Variants in WLS observed in about 807,000 individuals in gnomAD.
WLS encodes protein wntless homolog.
WLS carries 23 observed loss-of-function variants against 62.8 expected under a neutral mutation model. That is an observed-to-expected ratio of 0.37 (90% CI 0.26 to 0.52). The LOEUF (loss-of-function observed/expected upper bound fraction) is 0.52, where lower values mean the gene tolerates loss of function less well. Among genes scored for constraint, WLS ranks in the 20% least tolerant of loss-of-function variants. The pLI is 0.92. For missense variants in WLS, 615 were observed against 697.3 expected (o/e 0.88, Z 1.33); for synonymous variants, 246 against 244.1 (o/e 1.01, Z -0.07).
intron 11 of WLS, among the ~76,000 whole-genome samples, chr1:68,136,730 T>C (rs1646616366): frequency 6.6e-6 from 1 of 152,240 alleles, no homozygotes; most frequent in Non-Finnish European, 1.5e-5. Context: ...TTAAAGAAGA[T>C]GCTGCATTTT....
intron 11 of WLS, among the ~76,000 whole-genome samples, chr1:68,130,129 C>T (rs1646496957): frequency 6.6e-6 from 1 of 152,170 alleles, no homozygotes; most frequent in African/African-American, 2.4e-5. Context: ...TGAAGAAAGC[C>T]ATATGCACTG....
downstream of WLS, among the ~76,000 whole-genome samples, chr1:68,122,759 T>TTG (rs1646379066): frequency 6.6e-6 from 1 of 152,212 alleles, no homozygotes; most frequent in African/African-American, 2.4e-5. Context: ...TTTCCACTGA[T>TTG]TGAAATGGGT....
intron 1 of WLS, among the ~76,000 whole-genome samples, chr1:68,212,655 A>G (rs1331232898): frequency 1.3e-5 from 2 of 152,212 alleles, no homozygotes; most frequent in Admixed American, 6.5e-5. Flanking sequence ...TATTTTATTA[A>G]TGATGTTTTT....
chr1:68,212,673 T>C (rs1416906429), intron 1 of WLS, among the ~76,000 whole-genome samples: 1 of 152,222 alleles, frequency 6.6e-6, no homozygotes, highest in Non-Finnish European at 1.5e-5. Context: ...TTTATATATG[T>C]CATTGCCTGT....
chr1:68,185,502 A>T (rs978189900), intron 2 of WLS, among the ~76,000 whole-genome samples: 1 of 152,190 alleles, frequency 6.6e-6, no homozygotes, highest in African/African-American at 2.4e-5. Context: ...CAAGTATTAT[A>T]GCCTGAGTTC....
At chr1:68,134,013 G>A (rs887236346) in intron 11 of WLS, among the ~76,000 whole-genome samples, 2 of 152,204 alleles carry the variant, frequency 1.3e-5, no homozygotes, top group Non-Finnish European at 2.9e-5. Flanking sequence ...GAAAGAAATA[G>A]GGAGGGAAAG....
At chr1:68,173,323 G>GTT (rs140258201) in intron 2 of WLS, among the ~76,000 whole-genome samples, 1,885 of 152,260 alleles carry the variant, frequency 0.012, 37 homozygotes, top group African/African-American at 0.044. Context: ...CACACAGTGG[G>GTT]TTTCTTTGCT....
intron 8 of WLS, among the ~76,000 whole-genome samples, chr1:68,147,527 C>G (rs1646768954): frequency 2.0e-5 from 3 of 152,184 alleles, no homozygotes; most frequent in Admixed American, 2.0e-4. Flanking sequence ...GATCATTTCA[C>G]ATACTATTCC....
chr1:68,147,702 TAGC>T (rs560739060), intron 8 of WLS, among the ~76,000 whole-genome samples: 105 of 152,300 alleles, frequency 6.9e-4, no homozygotes, highest in Non-Finnish European at 1.2e-4. Context: ...CAGGAATAAA[TAGC>T]AGCAGTGTGA....
At chr1:68,176,246 C>T (rs1036547893) in intron 2 of WLS, 10 of 141,666 alleles carry the variant, frequency 7.1e-5, no homozygotes, top group South Asian at 4.5e-4. Context: ...CCCTAGATTC[C>T]GAGTCACCCA....
At chr1:68,137,661 A>C in intron 11 of WLS, 119 bp downstream of exon 11, 1 of 1,162,660 alleles carries the variant, frequency 8.6e-7, no homozygotes, top group Middle Eastern at 2.9e-4. Flanking sequence ...TCCCAGTGTG[A>C]GGAGTATACT....
chr1:68,231,867 G>C (rs1336657322), intron 1 of WLS: 4 of 320,768 alleles, frequency 1.2e-5, no homozygotes, highest in African/African-American at 8.5e-5. Flanking sequence ...CGGGGGGGGG[G>C]GGGGGCGAGC....
chr1:68,230,750 G>A (rs1650375202), intron 1 of WLS, among the ~76,000 whole-genome samples: 1 of 152,072 alleles, frequency 6.6e-6, no homozygotes, highest in Non-Finnish European at 1.5e-5. Context: ...TCTCCTTTAG[G>A]TATTTCTCTC....
In WLS at chr1:68,163,374, G is replaced by C. The variant is rs112439144; in HGVS notation, c.380-4127C>G. Among the ~76,000 whole-genome samples, 57 of 152,250 alleles carry C rather than the reference G, an allele frequency of 3.7e-4. 1 individual carries two copies. Among genetic ancestry groups the C allele is most frequent in the African/African-American group, 1.4e-3 (57 of 41,558 alleles). ...CGCCCACTCTGGAGGCCGCGGTGGC[G>C]GTGGCTCCCGCCCCTCCCACCCCAC... On this transcript the variant is annotated intron_variant, in intron 2 of 11. Transcript: ENST00000262348.
rs116994056 is a variant in WLS, at chr1:68,161,828, G to A, written c.380-2581C>T. ...TTGGGAGAGGGCGCCTGGGAAGGAT[G>A]TGCCACTGTTGGGAGGTTGTGAGTC... On this transcript the variant is annotated intron_variant, in intron 2 of 11. Transcript: ENST00000262348. 5.1e-3 allele frequency: 8,119 copies of A among 1,605,074 alleles called. 313 individuals are homozygous for A. The East Asian group carries it at 0.078, about 15-fold the overall frequency.
chr1:68,159,533 C>T (rs1255826430), intron 2 of WLS, among the ~76,000 whole-genome samples: 1 of 152,172 alleles, frequency 6.6e-6, no homozygotes, highest in Non-Finnish European at 1.5e-5. Flanking sequence ...GGTCAGACCT[C>T]ATCCTCCCAT....
rs569632573 is a variant in WLS, at chr1:68,227,096, A to G, written c.106+5098T>C. Among the ~76,000 whole-genome samples the G allele has an allele frequency of 1.6e-3, 250 of 152,300 alleles. 1 individual carries two copies. The highest frequency in any genetic ancestry group is 5.7e-3 in the African/African-American group (238 of 41,570). ...CTAGACAGGTTGTACTGAAAGAACA[A>G]TCAGATGAAAGAGCAATTCAAGCCG... On this transcript the variant is annotated intron_variant, in intron 1 of 11. Transcript: ENST00000262348.
chr1:68,112,526 G>T (rs142470713), intron 11 of WLS, among the ~76,000 whole-genome samples: 1 of 152,152 alleles, frequency 6.6e-6, no homozygotes. Flanking sequence ...TGCTAAACAG[G>T]CTACTTTAGT....
intron 9 of WLS, among the ~76,000 whole-genome samples, 178 bp downstream of exon 9, chr1:68,145,691 G>A (rs1270508765): frequency 6.6e-6 from 1 of 152,126 alleles, no homozygotes; most frequent in Non-Finnish European, 1.5e-5. Context: ...ATTTAGGCCA[G>A]CTAGATGCTT....
Sources: allele counts gnomAD v4.1 joint callset (sites outside exome capture counted in the v4.1 genomes callset), GRCh38; gene constraint gnomAD v4.1.1; transcripts MANE v1.5; gene names NCBI Gene and HGNC (gene_info 2026-07-23, HGNC 2026-07-21).